WWOX: variants seen among roughly 807,000 people sequenced by gnomAD.
WWOX encodes the protein WW domain containing oxidoreductase, also known as WW domain-containing oxidoreductase.
A neutral mutation model predicts 46.2 loss-of-function variants in WWOX; 69 were observed. The ratio of observed to expected loss-of-function variants is 1.49; its 90% CI spans 1.23 to 1.82. The LOEUF is 1.82. Among genes scored for constraint, WWOX ranks in the 40% most tolerant of loss-of-function variants. The pLI, the probability that WWOX is intolerant of heterozygous loss-of-function variation, is 0.00. For missense variants in WWOX, 919 were observed against 542.6 expected (o/e 1.69, Z -6.89); for synonymous variants, 359 against 202.6 (o/e 1.77, Z -6.56).
intron 8 of WWOX, among the ~76,000 whole-genome samples, chr16:78,940,606 T>G (rs1436271147): frequency 6.6e-6 from 1 of 152,020 alleles, no homozygotes; most frequent in African/African-American, 2.4e-5. Context: ...TGCTCTAATC[T>G]CCACAGAAGT....
chr16:79,164,669 C>T (rs191597737), intron 8 of WWOX, among the ~76,000 whole-genome samples: 2 of 152,138 alleles, frequency 1.3e-5, no homozygotes, highest in African/African-American at 2.4e-5. Flanking sequence ...AAATGAATTT[C>T]GAAAGGGCCG....
chr16:78,958,667 T>C (rs62036000), intron 8 of WWOX, among the ~76,000 whole-genome samples: 10,547 of 152,328 alleles, frequency 0.069, 453 homozygotes, highest in Middle Eastern at 0.11. Flanking sequence ...TCTGGTTTTC[T>C]TTTGGTATTC....
chr16:78,668,536 T>A (rs2047386712), intron 8 of WWOX, among the ~76,000 whole-genome samples: 1 of 152,104 alleles, frequency 6.6e-6, no homozygotes, highest in African/African-American at 2.4e-5. Context: ...GAACAAACAA[T>A]TAGAACATTT....
At chr16:78,228,063 A>G (rs1199047122) in intron 5 of WWOX, among the ~76,000 whole-genome samples, 1 of 151,934 alleles carries the variant, frequency 6.6e-6, no homozygotes, top group Non-Finnish European at 1.5e-5. Context: ...GCACCTGCCC[A>G]GGGCTATGGG....
intron 8 of WWOX, among the ~76,000 whole-genome samples, chr16:78,641,009 A>G (rs754267033): frequency 6.6e-6 from 1 of 151,924 alleles, no homozygotes; most frequent in African/African-American, 2.4e-5. Flanking sequence ...AGGGAAAGGA[A>G]AGGAACCAGC....
chr16:78,832,317 T>A (rs1316608759), intron 8 of WWOX, among the ~76,000 whole-genome samples: 1 of 152,196 alleles, frequency 6.6e-6, no homozygotes. Flanking sequence ...CACAGAGTGA[T>A]GATCTCAGAG....
intron 8 of WWOX, among the ~76,000 whole-genome samples, chr16:78,595,982 G>T (rs574858724): frequency 2.6e-5 from 4 of 152,094 alleles, no homozygotes; most frequent in Non-Finnish European, 1.5e-5. Flanking sequence ...CATTCAAAGG[G>T]GATAAGACAT....
At chr16:78,210,026 A>C in intron 5 of WWOX, among the ~76,000 whole-genome samples, 1 of 152,170 alleles carries the variant, frequency 6.6e-6, no homozygotes, top group East Asian at 1.9e-4. Flanking sequence ...AAGTACGAGA[A>C]AAGCCAAAAA....
At chr16:78,640,145 C>G (rs2046667849) in intron 8 of WWOX, among the ~76,000 whole-genome samples, 1 of 150,000 alleles carries the variant, frequency 6.7e-6, no homozygotes, top group Admixed American at 6.7e-5. Context: ...TGGAGGGAGG[C>G]CGATAGAGAG....
At chr16:78,927,990 A>G (rs187252537) in intron 8 of WWOX, among the ~76,000 whole-genome samples, 7 of 152,018 alleles carry the variant, frequency 4.6e-5, no homozygotes, top group Middle Eastern at 3.4e-3. Context: ...GTGTGTGTGT[A>G]TGTGTGTGTG....
At chr16:79,109,326 A>AAT (rs1298440520) in intron 8 of WWOX, among the ~76,000 whole-genome samples, 2 of 152,188 alleles carry the variant, frequency 1.3e-5, no homozygotes, top group Non-Finnish European at 2.9e-5. Flanking sequence ...AGCTACTGTA[A>AAT]CTTTAAAAAG....
At chr16:78,662,751 C>T (rs971356268) in intron 8 of WWOX, among the ~76,000 whole-genome samples, 1 of 152,132 alleles carries the variant, frequency 6.6e-6, no homozygotes, top group Non-Finnish European at 1.5e-5. Context: ...GGGAAGGATC[C>T]ACTTCCAAGC....
chr16:78,751,189 G>A (rs1446323609), intron 8 of WWOX, among the ~76,000 whole-genome samples: 1 of 151,938 alleles, frequency 6.6e-6, no homozygotes, highest in Non-Finnish European at 1.5e-5. Flanking sequence ...ACATATAAAA[G>A]ACAGATGTAT....
intron 8 of WWOX, among the ~76,000 whole-genome samples, chr16:79,147,217 T>C (rs949657451): frequency 1.7e-4 from 26 of 152,296 alleles, no homozygotes; most frequent in African/African-American, 5.8e-4. Context: ...CAAAATTCCC[T>C]TGCGTTGCCT....
intron 8 of WWOX, among the ~76,000 whole-genome samples, chr16:78,565,168 G>A (rs2044534988): frequency 6.6e-6 from 1 of 152,202 alleles, no homozygotes; most frequent in Non-Finnish European, 1.5e-5. Context: ...CTCTAAGTTT[G>A]AAGTCTAACT....
At chr16:78,828,959 A>G (rs2051736665) in intron 8 of WWOX, among the ~76,000 whole-genome samples, 1 of 152,220 alleles carries the variant, frequency 6.6e-6, no homozygotes, top group South Asian at 2.1e-4. Context: ...GGGACTTGCC[A>G]AAGCGACACA....
intron 8 of WWOX, among the ~76,000 whole-genome samples, chr16:78,789,722 C>A (rs542164735): frequency 6.6e-6 from 1 of 152,146 alleles, no homozygotes; most frequent in Admixed American, 6.5e-5. Flanking sequence ...ATTTTTTGAA[C>A]AGTCATCAGC....
chr16:79,151,572 G>A (rs7199872), intron 8 of WWOX, among the ~76,000 whole-genome samples: 49,299 of 151,950 alleles, frequency 0.32, 8,667 homozygotes, highest in East Asian at 0.51. Context: ...GAAGGCGACA[G>A]AGCTGAGACC....
chr16:78,396,409 C>CATTTTTGA (rs1247791736), intron 6 of WWOX, among the ~76,000 whole-genome samples: 3 of 152,134 alleles, frequency 2.0e-5, no homozygotes, highest in African/African-American at 7.2e-5. Context: ...ACAAAATAAA[C>CATTTTTGA]ATTTTTGATT....
Sources: gnomAD v4.1 joint callset for allele counts (sites outside exome capture counted in the v4.1 genomes callset) on GRCh38, gnomAD v4.1.1 for gene constraint, MANE v1.5 for transcripts, NCBI Gene and HGNC (gene_info 2026-07-23, HGNC 2026-07-21) for gene names.